ANKRD13A: variants seen among roughly 807,000 people sequenced by gnomAD.
ANKRD13A encodes the protein ankyrin repeat domain-containing protein 13A.
A neutral mutation model predicts 81.3 loss-of-function variants in ANKRD13A; 48 were observed. That is an observed-to-expected ratio of 0.59 (90% confidence interval 0.47 to 0.75). The LOEUF (loss-of-function observed/expected upper bound fraction) is 0.75, where lower values mean the gene tolerates loss of function less well. ANKRD13A is among the 30% of genes least tolerant of loss of function. ANKRD13A has a pLI of 0.00. For synonymous variants in ANKRD13A, 230 were observed against 270.1 expected, an observed-to-expected ratio of 0.85 and a Z score of 1.45; for missense variants, 612 against 734.0, an observed-to-expected ratio of 0.83 and a Z score of 1.92.
In ANKRD13A at chr12:109,999,920, T is replaced by C; in HGVS notation, c.96+136T>C. On this transcript the variant is annotated intron_variant, in intron 1 of 14. Coordinates refer to ENST00000261739, the MANE Select transcript of ANKRD13A (RefSeq NM_033121.2). The surrounding 1 kb of genome is among the most constrained non-coding windows in gnomAD (Gnocchi z 4.3). ...CTTCCACTTTGCAGGTGTGGGACAG[T>C]CCTAATAATAGGACACGTATCGAGT... is the stretch of plus-strand genomic sequence containing the variant. The C allele has an allele frequency of 1.5e-6, 1 of 679,614 alleles. No individual in the cohort carries two copies. The highest frequency in any genetic ancestry group is 2.3e-6 in the Non-Finnish European group (1 of 442,040). 42.1% of individuals were successfully genotyped at this position (679,614 alleles called of 1,614,324 possible).
intron 3 of ANKRD13A, among the ~76,000 whole-genome samples, chr12:110,013,574 G>A (rs968048214): frequency 2.0e-5 from 3 of 151,952 alleles, no homozygotes; most frequent in Non-Finnish European, 4.4e-5. Context: ...AGGAGTTTGA[G>A]ACCAGCCTGG....
intron 1 of ANKRD13A, among the ~76,000 whole-genome samples, chr12:110,000,337 A>T (rs1889887928): frequency 6.6e-6 from 1 of 152,302 alleles, no homozygotes; most frequent in Non-Finnish European, 1.5e-5. Context: ...AGAACCCAAC[A>T]CTTGACTCTA....
intron 2 of ANKRD13A, 43 bp downstream of exon 2, chr12:110,012,180 A>T (rs780851488): frequency 6.4e-7 from 1 of 1,560,244 alleles, no homozygotes; most frequent in Non-Finnish European, 8.8e-7. Context: ...TCTGAGCACC[A>T]TGGTGAAACC....
At chr12:110,027,600 AT>A in intron 8 of ANKRD13A, 104 bp from the exon 9 acceptor site, 1 of 1,040,412 alleles carries the variant, frequency 9.6e-7, no homozygotes, top group Non-Finnish European at 1.5e-6. Context: ...CTGTAATTGC[AT>A]TTCCTAATGA....
Position 110,004,414 on chromosome 12 carries a change from G to A in ANKRD13A, c.96+4630G>A, listed in dbSNP as rs536917472. ...GCGGATCACCTGAGGTCGGGAGTTCGAGACCAACCTGACCAACACAGAGAA... is the reference window on the plus strand; with the variant it reads ...GCGGATCACCTGAGGTCGGGAGTTCAAGACCAACCTGACCAACACAGAGAA... On this transcript the variant is annotated intron_variant, in intron 1 of 14. Transcript: ENST00000261739. Among the ~76,000 whole-genome samples the A allele has an allele frequency of 7.2e-5, 11 of 152,216 alleles. No homozygotes were observed. The South Asian group carries it at 2.1e-3, about 29-fold the overall frequency.
Position 110,029,458 on chromosome 12 carries a change from T to G in ANKRD13A, c.1077-20T>G. The G allele has an allele frequency of 6.2e-7, 1 of 1,602,612 alleles. No individual in the cohort carries two copies. Among genetic ancestry groups the G allele is most frequent in the Non-Finnish European group, 8.5e-7 (1 of 1,170,200 alleles). On this transcript the variant is annotated intron_variant, in intron 10 of 14. Coordinates refer to ENST00000261739, the MANE Select transcript of ANKRD13A (RefSeq NM_033121.2). Reference sequence around the variant, plus strand: ...ATCTGGTGGAGATGACCTCAGTCTTTTCTTGGTTGAATTCTGCAGGTTTAA... The same window carrying G: ...ATCTGGTGGAGATGACCTCAGTCTTGTCTTGGTTGAATTCTGCAGGTTTAA...
At chr12:110,031,030 G>C (rs866054922) in intron 12 of ANKRD13A, among the ~76,000 whole-genome samples, 1 of 151,848 alleles carries the variant, frequency 6.6e-6, no homozygotes, top group Non-Finnish European at 1.5e-5. Context: ...GGGGAGAGGC[G>C]GGGGGATGGA....
intron 11 of ANKRD13A, among the ~76,000 whole-genome samples, chr12:110,030,365 T>A (rs1891607822): frequency 6.6e-6 from 1 of 151,960 alleles, no homozygotes; most frequent in Admixed American, 6.6e-5. Context: ...TGGGGTTTTA[T>A]CATGTTGGTT....
chr12:110,026,610 G>A lies in ANKRD13A; in HGVS notation c.883+787G>A, dbSNP rs148216597. 9.2e-3 allele frequency among the ~76,000 whole-genome samples: 1,396 copies of A among 151,702 alleles called. 33 individuals are homozygous for A. Among genetic ancestry groups the A allele is most frequent in the African/African-American group, 0.032 (1,323 of 41,342 alleles). Reference sequence around the variant, plus strand: ...AAAAAAAAATTTCCTGGCTGAGCACGGTGGCTCACACCTGTAATCCCAACA... The same window carrying A: ...AAAAAAAAATTTCCTGGCTGAGCACAGTGGCTCACACCTGTAATCCCAACA... On this transcript the variant is annotated intron_variant, in intron 8 of 14. Transcript: ENST00000261739.
chr12:110,008,872 G>A (rs1340322937), intron 1 of ANKRD13A, among the ~76,000 whole-genome samples: 1 of 152,212 alleles, frequency 6.6e-6, no homozygotes, highest in Non-Finnish European at 1.5e-5. Context: ...GCGACAGAGC[G>A]AGACTCAGTC....
At chr12:110,004,191 G>A (rs1042539156) in intron 1 of ANKRD13A, among the ~76,000 whole-genome samples, 2 of 152,026 alleles carry the variant, frequency 1.3e-5, no homozygotes, top group African/African-American at 4.8e-5. Context: ...AGGCTTTTGA[G>A]CAAGAAAAGT....
intron 13 of ANKRD13A, among the ~76,000 whole-genome samples, chr12:110,035,295 C>A: frequency 6.6e-6 from 1 of 152,182 alleles, no homozygotes; most frequent in East Asian, 1.9e-4. Context: ...TGAATTGTGT[C>A]TTCTAATCTT....
chr12:110,018,454 A>G lies in ANKRD13A; in HGVS notation c.510A>G (p.Ile170Met), dbSNP rs772710854. The G allele has an allele frequency of 3.7e-6, 6 of 1,614,094 alleles. No individual in the cohort carries two copies. The highest frequency in any genetic ancestry group is 5.1e-6 in the Non-Finnish European group (6 of 1,180,034). The change falls in exon 5 of 15, where the codon ATA (isoleucine) becomes ATG (methionine). Residue 170 changes from isoleucine to methionine, a missense_variant. Ile to Met is a conservative substitution (Grantham distance 10). Transcript: ENST00000261739. The surrounding 1 kb of genome is among the most constrained non-coding windows in gnomAD (Gnocchi z 4.4). ...TGGGATTTGAAAACATGAGCTGGATAAGAGGGAGGCGTAGTTTTATATTTA... is the reference window on the plus strand; with the variant it reads ...TGGGATTTGAAAACATGAGCTGGATGAGAGGGAGGCGTAGTTTTATATTTA... The part of the protein sequence containing the change: ...TLLGFENMSW[I>M]RGRRSFIFKG...
chr12:110,035,923 C>T (rs951536198), intron 13 of ANKRD13A, among the ~76,000 whole-genome samples: 2 of 152,126 alleles, frequency 1.3e-5, no homozygotes, highest in East Asian at 3.9e-4. Flanking sequence ...TCTAAAAAAA[C>T]AAAAACCTGC....
intron 1 of ANKRD13A, among the ~76,000 whole-genome samples, chr12:110,004,430 A>T (rs1890141663): frequency 6.6e-6 from 1 of 152,156 alleles, no homozygotes; most frequent in Non-Finnish European, 1.5e-5. Flanking sequence ...AACCTGACCA[A>T]CACAGAGAAA....
chr12:110,015,968 T>C (rs77915874), intron 3 of ANKRD13A, among the ~76,000 whole-genome samples: 2 of 151,380 alleles, frequency 1.3e-5, no homozygotes, highest in South Asian at 2.1e-4. Context: ...TTTTTTTTTT[T>C]CCATACAGTA....
At chr12:110,013,337 C>T (rs2137108640) in intron 3 of ANKRD13A, 88 bp downstream of exon 3, 1 of 1,509,262 alleles carries the variant, frequency 6.6e-7, no homozygotes, top group Non-Finnish European at 9.0e-7. Context: ...TGTGTGCCTT[C>T]CTAAAGAGTT....
Position 109,999,841 on chromosome 12 carries a change from G to T in ANKRD13A, c.96+57G>T. 7.0e-7 allele frequency: 1 copy of T among 1,436,528 alleles called. No individual in the cohort carries two copies. Among genetic ancestry groups the T allele is most frequent in the East Asian group, 2.7e-5 (1 of 36,574 alleles). 89.0% of individuals were successfully genotyped at this position (1,436,528 alleles called of 1,614,324 possible). A position where few individuals can be genotyped will look rare whatever the true frequency, so the allele number is the denominator to read the frequency against. On this transcript the variant is annotated intron_variant, in intron 1 of 14. Coordinates refer to ENST00000261739, the MANE Select transcript of ANKRD13A (RefSeq NM_033121.2). The surrounding 1 kb of genome is among the most constrained non-coding windows in gnomAD (Gnocchi z 4.3). ...TGGGGACTTCGGGGAATCGGGGGTCGTTTCGCCTCCCTGAGCCCATTTCCA... is the reference window on the plus strand; with the variant it reads ...TGGGGACTTCGGGGAATCGGGGGTCTTTTCGCCTCCCTGAGCCCATTTCCA...
Position 110,029,572 on chromosome 12 carries a change from C to A in ANKRD13A, c.1171C>A (p.His391Asn). 1 of 1,614,044 alleles carries A rather than the reference C, an allele frequency of 6.2e-7. No individual in the cohort carries two copies. The highest frequency in any genetic ancestry group is 8.5e-7 in the Non-Finnish European group (1 of 1,179,948). ...IIDLMARTSAHFARLRDFIKL... is the reference protein window; with the variant it reads ...IIDLMARTSANFARLRDFIKL... The stretch of plus-strand genomic sequence containing the variant: ...TGACCTAATGGCTCGAACGAGTGCT[C>A]ATTTTGCAAGACTGAGAGATTTCAT... Residue 391 changes from histidine to asparagine, a missense_variant, in exon 11 of 15, where the codon CAT becomes AAT. Transcript: ENST00000261739.
Sources: gnomAD v4.1 joint callset for allele counts (sites outside exome capture counted in the v4.1 genomes callset) on GRCh38, gnomAD v4.1.1 for gene constraint, Gnocchi (gnomAD v3.1) non-coding constraint, MANE v1.5 for transcripts, NCBI Gene and HGNC (gene_info 2026-07-23, HGNC 2026-07-21) for gene names.